ANK1: variants seen among roughly 807,000 people sequenced by gnomAD.
ANK1 encodes the protein ankyrin 1, also known as ankyrin-1.
ANK1 carries 51 observed loss-of-function variants against 210.4 expected under a neutral mutation model. The observed-to-expected ratio is 0.24, with a 90% CI of 0.19 to 0.31. The LOEUF is 0.31. Among genes scored for constraint, ANK1 ranks in the 10% least tolerant of loss-of-function variants. The pLI, the probability that ANK1 is intolerant of heterozygous loss-of-function variation, is 1.00. For missense variants in ANK1, 2,051 were observed against 2,504.4 expected, an observed-to-expected ratio of 0.82 and a Z score of 3.86; for synonymous variants, 967 against 1,025.9, an observed-to-expected ratio of 0.94 and a Z score of 1.10.
rs756175061 is a variant in ANK1 at position 41,672,786 on chromosome 8, G to C, written c.4664C>G (p.Thr1555Arg). The C allele has an allele frequency of 1.9e-6, 3 of 1,603,858 alleles. No individual in the cohort carries two copies. Among genetic ancestry groups the C allele is most frequent in the Non-Finnish European group, 2.6e-6 (3 of 1,173,620 alleles). ...CATCTCCAGCATGGTGTCATGCTCC[G>C]TGGCCGCCAAGGGGATGGCGTCTAG... The part of the protein sequence containing the change: ...AVLDAIPLAA[T>R]EHDTMLEMSD... The change falls in exon 38 of 43, where the codon ACG becomes AGG. Residue 1555 changes from threonine (T) to arginine (R), a missense_variant. This residue lies in a region of ANK1 where 496 missense variants were observed against 533.4 expected (regional missense o/e 0.93). Coordinates refer to ENST00000289734, the MANE Select transcript of ANK1 (RefSeq NM_000037.4).
chr8:41,817,748 A>G (rs1357083305), intron 1 of ANK1, among the ~76,000 whole-genome samples: 1 of 152,354 alleles, frequency 6.6e-6, no homozygotes, highest in South Asian at 2.1e-4. Flanking sequence ...TATAAACCAA[A>G]GCTCTAAACC....
At chr8:41,893,026 G>A (rs557401561) in intron 1 of ANK1, among the ~76,000 whole-genome samples, 9 of 152,286 alleles carry the variant, frequency 5.9e-5, no homozygotes, top group East Asian at 5.8e-4. Flanking sequence ...CAGGGCCAAG[G>A]CGTCAGCGCT....
At chr8:41,811,241 G>T (rs931605589) in intron 1 of ANK1, among the ~76,000 whole-genome samples, 12 of 152,136 alleles carry the variant, frequency 7.9e-5, no homozygotes, top group African/African-American at 2.9e-4. Context: ...TCTGAGGAAG[G>T]GAGCGGGGGT....
chr8:41,673,345 T>G (rs538333111), intron 37 of ANK1, among the ~76,000 whole-genome samples: 1 of 152,304 alleles, frequency 6.6e-6, no homozygotes, highest in South Asian at 2.1e-4. Flanking sequence ...AAACTTCACT[T>G]TAGCTTAGCT....
Position 41,725,756 on chromosome 8 carries a change from C to T in ANK1, c.612+5G>A. ...CCAAGGCTCCTCCCTCCTCCTCGCC[C>T]TCACCTTGGAAAGCACGTCCGGGTT... On this transcript the variant is annotated splice_donor_5th_base_variant and intron_variant, in intron 6 of 42. Transcript: ENST00000289734. 6.2e-7 allele frequency: 1 copy of T among 1,609,072 alleles called. No homozygotes were observed. The highest frequency in any genetic ancestry group is 8.5e-7 in the Non-Finnish European group (1 of 1,179,282).
chr8:41,695,469 T>G (rs1410545541), intron 26 of ANK1, 138 bp from the exon 27 acceptor site: 1 of 1,231,862 alleles, frequency 8.1e-7, no homozygotes, highest in Non-Finnish European at 1.2e-6. Context: ...TGCAGGCAGG[T>G]CTCTAAGTGG....
intron 1 of ANK1, among the ~76,000 whole-genome samples, chr8:41,881,042 C>T (rs952383634): frequency 2.6e-5 from 4 of 152,248 alleles, no homozygotes; most frequent in Admixed American, 2.6e-4. Flanking sequence ...GAGAGTTGGG[C>T]CTGGAGATCT....
intron 21 of ANK1, 147 bp from the exon 22 acceptor site, chr8:41,701,769 G>A (rs1398051451): frequency 1.9e-5 from 17 of 904,578 alleles, no homozygotes; most frequent in Non-Finnish European, 2.5e-5. Flanking sequence ...AAGCTGCCGG[G>A]CAGGAACCAC....
chr8:41,664,821 C>T lies in ANK1; in HGVS notation c.5395-1079G>A, dbSNP rs181834785. The T allele has an allele frequency of 1.3e-5, 21 of 1,609,124 alleles. No homozygotes were observed. The highest frequency in any genetic ancestry group is 1.7e-4 in the Middle Eastern group (1 of 6,040). On this transcript the variant is annotated intron_variant, in intron 39 of 42. Coordinates refer to ENST00000289734, the MANE Select transcript of ANK1 (RefSeq NM_000037.4). ...GGCGGTTACCTTCAGGAAGACCCGC[C>T]GCCGGACCACCCTGGTGGAGATGGT... is the stretch of plus-strand genomic sequence containing the variant.
chr8:41,838,033 ATT>A (rs1587333396), intron 1 of ANK1, among the ~76,000 whole-genome samples: 1 of 152,120 alleles, frequency 6.6e-6, no homozygotes, highest in East Asian at 1.9e-4. Context: ...TTCTCCTGCC[ATT>A]TGTGGTCCCT....
chr8:41,716,919 C>G (rs372558511), intron 13 of ANK1, 34 bp downstream of exon 13: 115 of 1,603,038 alleles, frequency 7.2e-5, no homozygotes, highest in Non-Finnish European at 9.7e-5. Context: ...CTGCTCACAT[C>G]TGAAACCCTT....
At chr8:41,728,952 G>T (rs1831425445) in intron 3 of ANK1, among the ~76,000 whole-genome samples, 1 of 152,188 alleles carries the variant, frequency 6.6e-6, no homozygotes, top group South Asian at 2.1e-4. Flanking sequence ...TGAGAGGCCT[G>T]GGAGCGCCAG....
At chr8:41,772,887 G>A (rs4737009) in intron 1 of ANK1, among the ~76,000 whole-genome samples, 50,489 of 151,990 alleles carry the variant, frequency 0.33, 9,828 homozygotes, top group African/African-American at 0.54. Flanking sequence ...ACCCTTTACC[G>A]AGAAAGGCAG....
intron 16 of ANK1, among the ~76,000 whole-genome samples, chr8:41,711,289 C>A (rs759224386): frequency 1.3e-5 from 2 of 152,164 alleles, no homozygotes; most frequent in African/African-American, 2.4e-5. Flanking sequence ...AAACCCTAAG[C>A]CCCACACAGA....
intron 1 of ANK1, among the ~76,000 whole-genome samples, chr8:41,847,804 T>C (rs1304024444): frequency 2.0e-5 from 3 of 152,200 alleles, no homozygotes; most frequent in Non-Finnish European, 4.4e-5. Context: ...GTGTCCTGAA[T>C]CTGTTTGTAT....
At chr8:41,885,265 C>G (rs536997659) in intron 1 of ANK1, among the ~76,000 whole-genome samples, 1 of 152,064 alleles carries the variant, frequency 6.6e-6, no homozygotes, top group Non-Finnish European at 1.5e-5. Flanking sequence ...TCTTGTAAGT[C>G]CTGTGTGGGG....
At position 41,690,548 on chromosome 8, in the gene ANK1, C is replaced by G; in HGVS notation, c.3910G>C (p.Val1304Leu). Residue 1304 changes from valine to leucine, a missense_variant, in exon 32 of 43, where the codon GTG becomes CTG. Physicochemically the swap from Val to Leu is conservative, Grantham distance 32 (BLOSUM62 1). Around this residue, in one of 6 missense-constraint regions of ANK1, gnomAD observed 1,413 missense variants for 1,707.4 expected, o/e 0.83. Coordinates refer to ENST00000289734, the MANE Select transcript of ANK1 (RefSeq NM_000037.4). ...FAELSGNLVP[V>L]KKAAQQRSFH... ...CTCCGCTGCTGGGCAGCTTTCTTCA[C>G]AGGCACCAGGTTCCCAGAGAGTTCT... 2 of 1,613,978 alleles carry G rather than the reference C, an allele frequency of 1.2e-6. No homozygotes were observed. Among genetic ancestry groups the G allele is most frequent in the Non-Finnish European group, 1.7e-6 (2 of 1,179,922 alleles).
chr8:41,843,468 AG>A (rs950162932), intron 1 of ANK1, among the ~76,000 whole-genome samples: 3 of 150,492 alleles, frequency 2.0e-5, no homozygotes, highest in Admixed American at 2.0e-4. Context: ...GCGTGTTTAA[AG>A]GGGGGGCCCT....
intron 1 of ANK1, among the ~76,000 whole-genome samples, chr8:41,847,497 AT>A (rs1563899246): frequency 6.6e-6 from 1 of 152,222 alleles, no homozygotes; most frequent in East Asian, 1.9e-4. Context: ...TACGGAGGTG[AT>A]AATGACACTG....
Sources: allele counts gnomAD v4.1 joint callset (sites outside exome capture counted in the v4.1 genomes callset), GRCh38; gene constraint gnomAD v4.1.1; regional missense constraint gnomAD v4.1.1; transcripts MANE v1.5; gene names NCBI Gene and HGNC (gene_info 2026-07-23, HGNC 2026-07-21).